The following PRDM15 variants were observed in gnomAD, a reference collection of about 807,000 sequenced individuals.
PRDM15 encodes the protein PR/SET domain 15, also known as PR domain zinc finger protein 15.
PRDM15 carries 64 observed loss-of-function variants against 128.6 expected under a neutral mutation model. The observed-to-expected ratio is 0.50, with a 90% CI of 0.41 to 0.61. The LOEUF (loss-of-function observed/expected upper bound fraction) is 0.61. Among genes scored for constraint, PRDM15 ranks in the 20% least tolerant of loss-of-function variants. The pLI, the probability that PRDM15 is intolerant of heterozygous loss-of-function variation, is 0.00. For missense variants in PRDM15, 1,242 were observed against 1,569.1 expected, an observed-to-expected ratio of 0.79 and a Z score of 3.52; for synonymous variants, 615 against 621.8, an observed-to-expected ratio of 0.99 and a Z score of 0.16.
chr21:41,856,559 G>A (rs1448430851), intron 4 of PRDM15, among the ~76,000 whole-genome samples: 1 of 151,994 alleles, frequency 6.6e-6, no homozygotes, highest in African/African-American at 2.4e-5. Flanking sequence ...GGGCAGGCAT[G>A]GCAACAGTCA....
chr21:41,871,672 C>A, intron 1 of PRDM15: 1 of 1,558,142 alleles, frequency 6.4e-7, no homozygotes. Flanking sequence ...CCCACTGTCC[C>A]TCTCCACGTG....
intron 12 of PRDM15, 75 bp from the exon 13 acceptor site, chr21:41,826,129 G>C (rs2146450482): frequency 1.6e-6 from 2 of 1,252,564 alleles, no homozygotes; most frequent in Middle Eastern, 1.9e-4. Context: ...TTCCACTTCA[G>C]CCAGCATCCT....
In PRDM15 at chr21:41,810,112, G is replaced by A; in HGVS notation, c.2652+42C>T. 6.3e-7 allele frequency: 1 copy of A among 1,575,886 alleles called. No homozygotes were observed. Among genetic ancestry groups the A allele is most frequent in the South Asian group, 1.1e-5 (1 of 88,920 alleles). On this transcript the variant is annotated intron_variant, in intron 21 of 23. Coordinates refer to ENST00000398548, the MANE Select transcript of PRDM15 (RefSeq NM_001040424.3). This position sits in a 1 kb window ranked among gnomAD's most constrained non-coding sequence, Gnocchi z 6.4. ...CCAGCATGGGGGTGTCCGGTGCGCG[G>A]CCCGCTGGCGGGGCACGGAGGGGGC...
chr21:41,875,981 C>T (rs1356880147), intron 1 of PRDM15, among the ~76,000 whole-genome samples: 3 of 152,166 alleles, frequency 2.0e-5, no homozygotes, highest in African/African-American at 7.2e-5. Context: ...GCCCAGCCTA[C>T]GACTCCTAGG....
intron 1 of PRDM15, among the ~76,000 whole-genome samples, chr21:41,865,591 C>A (rs1410210151): frequency 6.6e-6 from 1 of 152,162 alleles, no homozygotes; most frequent in Non-Finnish European, 1.5e-5. Flanking sequence ...CACCGTCTTT[C>A]AAGACAGAGC....
In PRDM15 at chr21:41,862,883, G is replaced by T. The variant is rs1191035530; in HGVS notation, c.-9-2511C>A. On this transcript the variant is annotated intron_variant, in intron 1 of 23. Transcript: ENST00000398548. The surrounding 1 kb of genome is among the most constrained non-coding windows in gnomAD (Gnocchi z 4.1). ...GAGGAAAAAAGAACTAGAAGTTCGA[G>T]ATCCTGGGCAGGCGTGTGGCTCACG... Among the ~76,000 whole-genome samples, 2 of 152,092 alleles carry T rather than the reference G, an allele frequency of 1.3e-5. No homozygotes were observed. Among genetic ancestry groups the T allele is most frequent in the Non-Finnish European group, 2.9e-5 (2 of 68,004 alleles).
chr21:41,831,627 G>A lies in PRDM15; in HGVS notation c.1367-3294C>T, dbSNP rs1370105941. 2.6e-5 allele frequency among the ~76,000 whole-genome samples: 4 copies of A among 152,206 alleles called. No individual in the cohort carries two copies. In the East Asian group the frequency reaches 7.7e-4, roughly 29 times the overall value. On this transcript the variant is annotated intron_variant, in intron 11 of 23. Coordinates refer to ENST00000398548, the MANE Select transcript of PRDM15 (RefSeq NM_001040424.3). Reference sequence around the variant, plus strand: ...AGGCGCTCTCAACTCCTCCCAGCTGGGAATGGACAAGGCATGGCCGACAGC... The same window carrying A: ...AGGCGCTCTCAACTCCTCCCAGCTGAGAATGGACAAGGCATGGCCGACAGC...
At chr21:41,874,525 A>ATTTTTTTTTT (rs61045274) in intron 1 of PRDM15, among the ~76,000 whole-genome samples, 76 of 95,800 alleles carry the variant, frequency 7.9e-4, no homozygotes, top group Admixed American at 2.2e-3. Flanking sequence ...ATATATATAT[A>ATTTTTTTTTT]TTTTTTTTTT....
intron 8 of PRDM15, 101 bp from the exon 9 acceptor site, chr21:41,836,750 T>G: frequency 1.0e-6 from 1 of 982,410 alleles, no homozygotes; most frequent in Non-Finnish European, 1.5e-6. Context: ...TCCCAGCTAA[T>G]CCCGAGCCTG....
intron 21 of PRDM15, among the ~76,000 whole-genome samples, chr21:41,808,913 A>T (rs1349430613): frequency 6.6e-6 from 1 of 152,212 alleles, no homozygotes; most frequent in Non-Finnish European, 1.5e-5. Context: ...AAATGCTGTG[A>T]TGCTGCCTTC....
chr21:41,840,327 T>G (rs1421376762), intron 6 of PRDM15, among the ~76,000 whole-genome samples: 3 of 151,408 alleles, frequency 2.0e-5, no homozygotes, highest in African/African-American at 7.3e-5. Flanking sequence ...GTGCCTGTAG[T>G]CCCAGCCACT....
At chr21:41,843,150 T>C (rs536421585) in intron 6 of PRDM15, among the ~76,000 whole-genome samples, 13 of 152,332 alleles carry the variant, frequency 8.5e-5, no homozygotes, top group East Asian at 3.9e-4. Flanking sequence ...CTATAACCTT[T>C]GTTTTCTCTG....
intron 2 of PRDM15, 77 bp downstream of exon 2, chr21:41,860,250 C>T: frequency 2.6e-6 from 3 of 1,132,772 alleles, no homozygotes; most frequent in Non-Finnish European, 2.6e-6. Context: ...TTTGCCCAGA[C>T]AGCAAGCGCC....
At chr21:41,836,272 A>C (rs999164480) in intron 9 of PRDM15, 65 bp from the exon 10 acceptor site, 3 of 1,481,822 alleles carry the variant, frequency 2.0e-6, no homozygotes, top group Non-Finnish European at 1.9e-6. Flanking sequence ...AAGCATGCCC[A>C]CCGGGGAAAT....
rs2062355022 is a variant in PRDM15 at position 41,823,396 on chromosome 21, C to T, written c.1683G>A (p.Lys561=). ...MNKHLLTHGD[K]KYTCEICGRK... ...GCCCGCAGATCTCGCAGGTGTACTT[C>T]TTGTCGCCGTGGGTGAGCAGGTGCT... Residue 561 remains lysine, a synonymous_variant, in exon 14 of 24, where the codon AAG becomes AAA. Transcript: ENST00000398548. 6.4e-7 allele frequency: 1 copy of T among 1,572,170 alleles called. No homozygotes were observed. Among genetic ancestry groups the T allele is most frequent in the African/African-American group, 1.4e-5 (1 of 73,722 alleles).
At chr21:41,820,402 G>A (rs2062214278) in intron 16 of PRDM15, among the ~76,000 whole-genome samples, 1 of 152,214 alleles carries the variant, frequency 6.6e-6, no homozygotes, top group African/African-American at 2.4e-5. Flanking sequence ...TTTGGAGATG[G>A]GGTCTTTGCA....
At chr21:41,835,966 CCCGCCCA>C in intron 10 of PRDM15, 140 bp downstream of exon 10, 1 of 310,886 alleles carries the variant, frequency 3.2e-6, no homozygotes, top group Non-Finnish European at 6.5e-6. Flanking sequence ...CCCCACAGCC[CCCGCCCA>C]CTCTCCTCCC....
At chr21:41,802,644 A>G (rs2061446070) in intron 23 of PRDM15, 68 bp downstream of exon 23, 2 of 1,275,902 alleles carry the variant, frequency 1.6e-6, no homozygotes, top group East Asian at 4.6e-5. Context: ...GGAGTCACAC[A>G]CACGTAAGGC....
At chr21:41,846,203 C>T (rs1024540142) in intron 6 of PRDM15, among the ~76,000 whole-genome samples, 9 of 152,174 alleles carry the variant, frequency 5.9e-5, no homozygotes, top group South Asian at 2.1e-4. Flanking sequence ...CCACATGTGA[C>T]GAATGCCACA....
Sources: gnomAD v4.1 joint callset for allele counts (sites outside exome capture counted in the v4.1 genomes callset) on GRCh38, gnomAD v4.1.1 for gene constraint, Gnocchi (gnomAD v3.1) non-coding constraint, MANE v1.5 for transcripts, NCBI Gene and HGNC (gene_info 2026-07-23, HGNC 2026-07-21) for gene names.